Variants in MTX3 observed in about 807,000 individuals in gnomAD.
MTX3 encodes the protein metaxin 3.
In MTX3, 27 loss-of-function variants were observed where a neutral mutation model predicts 42.5. The observed-to-expected ratio is 0.64, with a 90% confidence interval of 0.47 to 0.88. MTX3 has a LOEUF of 0.88. Among genes scored for constraint, MTX3 ranks in the 40% least tolerant of loss-of-function variants. The pLI, the probability that MTX3 is intolerant of heterozygous loss-of-function variation, is 0.00. For synonymous variants in MTX3, 144 were observed against 132.9 expected (o/e 1.08, Z -0.57); for missense variants, 378 against 367.0 (o/e 1.03, Z -0.25).
At chr5:79,987,175 C>T (rs1831514620) in intron 6 of MTX3, 68 bp from the exon 7 acceptor site, 1 of 1,444,338 alleles carries the variant, frequency 6.9e-7, no homozygotes, top group Non-Finnish European at 9.6e-7. Flanking sequence ...TGTGGTGGCT[C>T]ATGCCTGTAA....
At chr5:79,985,504 A>G in intron 8 of MTX3, 67 bp downstream of exon 8, 1 of 1,081,646 alleles carries the variant, frequency 9.2e-7, no homozygotes, top group East Asian at 2.4e-5. Context: ...TGTGTGACCC[A>G]AATGACAATA....
rs1831414035 is a variant in MTX3 at position 79,983,355 on chromosome 5, C to A, written c.*329G>T. On this transcript the variant is annotated 3_prime_UTR_variant, in exon 9 of 9. Transcript: ENST00000512528. ...ATAAATTAGGAGTGCACATTCAGAA[C>A]AGAATTGTAGCCTTTGGTCAGCAAC... The A allele has an allele frequency of 4.0e-6, 1 of 253,010 alleles. No individual in the cohort carries two copies. Among genetic ancestry groups the A allele is most frequent in the South Asian group, 6.0e-5 (1 of 16,646 alleles). 15.7% of individuals were successfully genotyped at this position (253,010 alleles called of 1,614,324 possible).
At chr5:79,989,110 C>A in intron 4 of MTX3, 42 bp downstream of exon 4, 1 of 1,360,690 alleles carries the variant, frequency 7.3e-7, no homozygotes, top group Non-Finnish European at 1.0e-6. Flanking sequence ...TGTACATTTG[C>A]AACTAGGCTA....
rs1170048772 is a variant in MTX3 at position 79,977,268 on chromosome 5, A to T, written c.*6416T>A. On this transcript the variant is annotated 3_prime_UTR_variant, in exon 9 of 9. Transcript: ENST00000512528. ...AGAAGGAAGCCAGAACTTCAGAAGTAGCCAGTGGTCCAAAGAATAAATGGC... is the reference window on the plus strand; with the variant it reads ...AGAAGGAAGCCAGAACTTCAGAAGTTGCCAGTGGTCCAAAGAATAAATGGC... 1 of 152,262 alleles carries T rather than the reference A, an allele frequency of 6.6e-6. No individual in the cohort carries two copies. Among genetic ancestry groups the T allele is most frequent in the Non-Finnish European group, 1.5e-5 (1 of 68,044 alleles). 9.4% of individuals were successfully genotyped at this position (152,262 alleles called of 1,614,324 possible). A position where few individuals can be genotyped will look rare whatever the true frequency, so the allele number is the denominator to read the frequency against.
chr5:79,989,267 A>G, intron 3 of MTX3, 23 bp from the exon 4 acceptor site: 2 of 1,462,338 alleles, frequency 1.4e-6, no homozygotes, highest in East Asian at 4.9e-5. Context: ...AATAAACCAA[A>G]GAAACTCAGA....
rs911906185 is a variant in MTX3, at chr5:79,981,820, C to T, written c.*1864G>A. The stretch of plus-strand genomic sequence containing the variant: ...AAAATTTTTAAATTGTCCTGTTTTA[C>T]ATGTAATATACTTGTAATATACATG... On this transcript the variant is annotated 3_prime_UTR_variant, in exon 9 of 9. Transcript: ENST00000512528. 7 of 151,600 alleles carry T rather than the reference C, an allele frequency of 4.6e-5. No individual in the cohort carries two copies. Among genetic ancestry groups the T allele is most frequent in the African/African-American group, 1.7e-4 (7 of 41,240 alleles). The allele number at this position is 151,600 out of a possible 1,614,324, so 9.4% of individuals were successfully genotyped here. A position where few individuals can be genotyped will look rare whatever the true frequency, so the allele number is the denominator to read the frequency against.
At chr5:79,986,856 A>G (rs1831502374) in intron 7 of MTX3, 94 bp downstream of exon 7, 8 of 1,277,250 alleles carry the variant, frequency 6.3e-6, no homozygotes, top group Non-Finnish European at 5.5e-6. Flanking sequence ...AAGACAATAC[A>G]CAAACTTCTA....
intron 6 of MTX3, among the ~76,000 whole-genome samples, chr5:79,987,504 T>A (rs1831524777): frequency 6.6e-6 from 1 of 151,680 alleles, no homozygotes; most frequent in Non-Finnish European, 1.5e-5. Flanking sequence ...AATACTAACT[T>A]GGGATGGTGT....
chr5:79,983,650 A>G lies in MTX3; in HGVS notation c.*34T>C. 1.4e-6 allele frequency: 2 copies of G among 1,460,700 alleles called. No homozygotes were observed. Among genetic ancestry groups the G allele is most frequent in the Non-Finnish European group, 1.9e-6 (2 of 1,040,044 alleles). The allele number at this position is 1,460,700 out of a possible 1,614,324, so 90.5% of individuals were successfully genotyped here. ...CTTGGTGTAAGAGATTACTGCAACA[A>G]TCGTTTGACTTTGGCCACAAACCAT... On this transcript the variant is annotated 3_prime_UTR_variant, in exon 9 of 9. Transcript: ENST00000512528.
chr5:79,983,344 C>A lies in MTX3; in HGVS notation c.*340G>T. On this transcript the variant is annotated 3_prime_UTR_variant, in exon 9 of 9. Transcript: ENST00000512528. Reference sequence around the variant, plus strand: ...AATTAAATCAAATAAATTAGGAGTGCACATTCAGAACAGAATTGTAGCCTT... The same window carrying A: ...AATTAAATCAAATAAATTAGGAGTGAACATTCAGAACAGAATTGTAGCCTT... 1 of 211,454 alleles carries A rather than the reference C, an allele frequency of 4.7e-6. No individual in the cohort carries two copies. Among genetic ancestry groups the A allele is most frequent in the Non-Finnish European group, 9.5e-6 (1 of 105,674 alleles). The allele number at this position is 211,454 out of a possible 1,614,324, so 13.1% of individuals were successfully genotyped here.
intron 7 of MTX3, 67 bp downstream of exon 7, chr5:79,986,883 T>C (rs749269802): frequency 6.2e-6 from 9 of 1,449,754 alleles, no homozygotes; most frequent in Non-Finnish European, 8.5e-6. Flanking sequence ...AAATAAGTAG[T>C]GGATTTTGCT....
chr5:79,988,000 A>G (rs1178320382), intron 6 of MTX3, among the ~76,000 whole-genome samples: 1 of 152,118 alleles, frequency 6.6e-6, no homozygotes, highest in Non-Finnish European at 1.5e-5. Context: ...TATTTTTAGT[A>G]GAGATGGGGT....
Position 79,990,625 on chromosome 5 carries a change from A to G in MTX3, c.120T>C (p.Asn40=), listed in dbSNP as rs757082126. The stretch of plus-strand genomic sequence containing the variant: ...AACCTCTCCAGGTGTTATCTATCAC[A>G]TTGACTTTCAAGGGTGCACCAGAAA... ...AKFSGAPLKV[N]VIDNTWRGSR... Residue 40 remains asparagine, a synonymous_variant, in exon 2 of 9, where the codon AAT becomes AAC. Coordinates refer to ENST00000512528, the MANE Select transcript of MTX3 (RefSeq NM_001363818.2). The G allele has an allele frequency of 3.7e-6, 6 of 1,613,102 alleles. 1 individual carries two copies. Among genetic ancestry groups the G allele is most frequent in the Non-Finnish European group, 4.2e-6 (5 of 1,179,468 alleles).
rs1831413295 is a variant in MTX3, at chr5:79,983,300, TAA to T, written c.*382_*383del. 6.0e-6 allele frequency: 1 copy of T among 166,452 alleles called. No homozygotes were observed. The highest frequency in any genetic ancestry group is 1.8e-4 in the East Asian group (1 of 5,482). The allele number at this position is 166,452 out of a possible 1,614,324, so 10.3% of individuals were successfully genotyped here. On this transcript the variant is annotated 3_prime_UTR_variant, in exon 9 of 9. Coordinates refer to ENST00000512528, the MANE Select transcript of MTX3 (RefSeq NM_001363818.2). ...GGTATTCAGCCTGGTCTAAGAAAAC[TAA>T]GTTAATAAATTGAATAAATTAAATC... is the stretch of plus-strand genomic sequence containing the variant.
In MTX3 at chr5:79,978,602, A is replaced by T. The variant is rs1039717925; in HGVS notation, c.*5082T>A. 1.3e-5 allele frequency: 2 copies of T among 152,236 alleles called. No homozygotes were observed. The highest frequency in any genetic ancestry group is 4.8e-5 in the African/African-American group (2 of 41,440). The allele number at this position is 152,236 out of a possible 1,614,324, so 9.4% of individuals were successfully genotyped here. Reference sequence around the variant, plus strand: ...CAAGACTCCGTCTCAAGAAAACAAAAACAAGAAATCCATATTAAAATAAAT... The same window carrying T: ...CAAGACTCCGTCTCAAGAAAACAAATACAAGAAATCCATATTAAAATAAAT... On this transcript the variant is annotated 3_prime_UTR_variant, in exon 9 of 9. Coordinates refer to ENST00000512528, the MANE Select transcript of MTX3 (RefSeq NM_001363818.2).
rs1580893224 is a variant in MTX3, at chr5:79,991,217, T to C, written c.22A>G (p.Ser8Gly). The change falls in exon 1 of 9, where the codon AGT (serine) becomes GGT (glycine). Residue 8 changes from serine (S) to glycine (G), a missense_variant. Transcript: ENST00000512528. MAAPLEL[S>G]CWGGGWGLPS... ...AGTCCCCAGCCGCCTCCCCAGCAAC[T>C]GAGTTCCAAGGGGGCCGCCATCTTG... The C allele has an allele frequency of 6.8e-7, 1 of 1,473,138 alleles. No individual in the cohort carries two copies. The highest frequency in any genetic ancestry group is 9.0e-7 in the Non-Finnish European group (1 of 1,106,714). The allele number at this position is 1,473,138 out of a possible 1,614,324, so 91.3% of individuals were successfully genotyped here. A position where few individuals can be genotyped will look rare whatever the true frequency, so the allele number is the denominator to read the frequency against.
Position 79,983,524 on chromosome 5 carries a change from C to A in MTX3, c.*160G>T. ...ATGCAGTGCCAAGCTAGAATACAAG[C>A]TTCCTAATAATAATAGTAAAAATAG... On this transcript the variant is annotated 3_prime_UTR_variant, in exon 9 of 9. Coordinates refer to ENST00000512528, the MANE Select transcript of MTX3 (RefSeq NM_001363818.2). The A allele has an allele frequency of 3.3e-6, 2 of 609,206 alleles. No homozygotes were observed. The highest frequency in any genetic ancestry group is 2.9e-5 in the Admixed American group (1 of 34,874). 37.7% of individuals were successfully genotyped at this position (609,206 alleles called of 1,614,324 possible). A position where few individuals can be genotyped will look rare whatever the true frequency, so the allele number is the denominator to read the frequency against.
rs1831297339 is a variant in MTX3, at chr5:79,978,245, A to G, written c.*5439T>C. 6.6e-6 allele frequency: 1 copy of G among 152,204 alleles called. No homozygotes were observed. Among genetic ancestry groups the G allele is most frequent in the African/African-American group, 2.4e-5 (1 of 41,426 alleles). 9.4% of individuals were successfully genotyped at this position (152,204 alleles called of 1,614,324 possible). On this transcript the variant is annotated 3_prime_UTR_variant, in exon 9 of 9. Coordinates refer to ENST00000512528, the MANE Select transcript of MTX3 (RefSeq NM_001363818.2). ...ACTAGCAAAAACACTGTAGGGCAGC[A>G]TTTCCTTAGGTGTATCTCTCAGAAC...
Position 79,983,858 on chromosome 5 carries a change from T to G in MTX3, c.829-64A>C, listed in dbSNP as rs950713054. 13 of 1,058,506 alleles carry G rather than the reference T, an allele frequency of 1.2e-5. No homozygotes were observed. In the African/African-American group the frequency reaches 1.7e-4, roughly 14 times the overall value. The allele number at this position is 1,058,506 out of a possible 1,614,324, so 65.6% of individuals were successfully genotyped here. On this transcript the variant is annotated intron_variant, in intron 8 of 8. Coordinates refer to ENST00000512528, the MANE Select transcript of MTX3 (RefSeq NM_001363818.2). ...GGCACCGCTTATGTGGACTGTGGCC[T>G]CCCCATCCAAACTATAGCCTAGAAG...
Sources: gnomAD v4.1 joint callset for allele counts (sites outside exome capture counted in the v4.1 genomes callset) on GRCh38, gnomAD v4.1.1 for gene constraint, MANE v1.5 for transcripts, NCBI Gene and HGNC (gene_info 2026-07-23, HGNC 2026-07-21) for gene names.